Variants in FERMT2 observed in about 807,000 individuals in gnomAD.
The protein encoded by FERMT2 is FERM domain containing kindlin 2, also known as fermitin family homolog 2.
A neutral mutation model predicts 82.7 loss-of-function variants in FERMT2; 15 were observed. The observed-to-expected ratio is 0.18, with a 90% CI of 0.12 to 0.28. FERMT2 has a LOEUF of 0.28. Among genes scored for constraint, FERMT2 ranks in the 10% least tolerant of loss-of-function variants. FERMT2 has a pLI of 1.00. For missense variants in FERMT2, 645 were observed against 809.4 expected, an observed-to-expected ratio of 0.80 and a Z score of 2.46; for synonymous variants, 274 against 271.5, an observed-to-expected ratio of 1.01 and a Z score of -0.09.
At chr14:52,947,651 T>C (rs1890422303) in intron 2 of FERMT2, among the ~76,000 whole-genome samples, 1 of 152,188 alleles carries the variant, frequency 6.6e-6, no homozygotes, top group African/African-American at 2.4e-5. Flanking sequence ...AAGGAAACAT[T>C]ATTTACACTT....
chr14:52,902,878 A>AAAAAAAACAAAAACAAC (rs1308722874), intron 3 of FERMT2, among the ~76,000 whole-genome samples: 1 of 138,652 alleles, frequency 7.2e-6, no homozygotes, highest in African/African-American at 2.7e-5. Context: ...CAAAAAAAAA[A>AAAAAAAACAAAAACAAC]AAAAAAAAAA....
intron 4 of FERMT2, among the ~76,000 whole-genome samples, chr14:52,891,066 G>T (rs1886912108): frequency 6.6e-6 from 1 of 152,070 alleles, no homozygotes; most frequent in African/African-American, 2.4e-5. Flanking sequence ...GAAACCAATG[G>T]TTCTACAATG....
In FERMT2 at chr14:52,859,680, T is replaced by A; in HGVS notation, c.1762A>T (p.Ile588Phe). 1.3e-6 allele frequency: 2 copies of A among 1,599,820 alleles called. No individual in the cohort carries two copies. Among genetic ancestry groups the A allele is most frequent in the Non-Finnish European group, 1.7e-6 (2 of 1,172,636 alleles). Reference protein sequence around the residue: ...QGGKKEELIGIAYNRLIRMDA... With the variant: ...QGGKKEELIGFAYNRLIRMDA... ...ATCCGAATCAGTCTGTTGTATGCAATTCCAATAAGTTCTTCTTTTTTGCCC... is the reference window on the plus strand; with the variant it reads ...ATCCGAATCAGTCTGTTGTATGCAAATCCAATAAGTTCTTCTTTTTTGCCC... Residue 588 changes from isoleucine to phenylalanine, a missense_variant, in exon 14 of 15, where the codon ATT (isoleucine) becomes TTT (phenylalanine). Coordinates refer to ENST00000341590, the MANE Select transcript of FERMT2 (RefSeq NM_006832.3).
At chr14:52,944,190 T>C (rs1285533317) in intron 2 of FERMT2, among the ~76,000 whole-genome samples, 2 of 152,250 alleles carry the variant, frequency 1.3e-5, no homozygotes, top group African/African-American at 4.8e-5. Flanking sequence ...TCATGAACAG[T>C]GTTTTAAACA....
chr14:52,938,912 T>G (rs1177158210), intron 2 of FERMT2, among the ~76,000 whole-genome samples: 1 of 152,106 alleles, frequency 6.6e-6, no homozygotes, highest in Non-Finnish European at 1.5e-5. Context: ...CTTAGCATAG[T>G]GAGTCTATAA....
At chr14:52,941,025 G>T (rs1323273335) in intron 2 of FERMT2, among the ~76,000 whole-genome samples, 3 of 152,170 alleles carry the variant, frequency 2.0e-5, no homozygotes, top group African/African-American at 7.2e-5. Context: ...TCACACGGAT[G>T]TTTACAGCAG....
chr14:52,902,512 G>A (rs1887712696), intron 3 of FERMT2, among the ~76,000 whole-genome samples: 1 of 151,680 alleles, frequency 6.6e-6, no homozygotes, highest in African/African-American at 2.4e-5. Flanking sequence ...CTTATATAAA[G>A]TCCACAAATC....
At chr14:52,910,768 C>T (rs1888268433) in intron 3 of FERMT2, among the ~76,000 whole-genome samples, 1 of 152,028 alleles carries the variant, frequency 6.6e-6, no homozygotes, top group South Asian at 2.1e-4. Context: ...GATCACTGTC[C>T]TTTTTCAGTG....
At chr14:52,898,122 A>G (rs1211379235) in intron 3 of FERMT2, among the ~76,000 whole-genome samples, 2 of 152,172 alleles carry the variant, frequency 1.3e-5, no homozygotes, top group Admixed American at 1.3e-4. Flanking sequence ...TAGCAGAAGA[A>G]CTATCCTGAA....
At chr14:52,935,228 C>A (rs1889781266) in intron 2 of FERMT2, among the ~76,000 whole-genome samples, 1 of 152,098 alleles carries the variant, frequency 6.6e-6, no homozygotes, top group Non-Finnish European at 1.5e-5. Context: ...AAGCTGTAAA[C>A]TTCAAAGTTT....
chr14:52,910,534 G>A (rs1888258280), intron 3 of FERMT2, among the ~76,000 whole-genome samples: 1 of 151,732 alleles, frequency 6.6e-6, no homozygotes, highest in Non-Finnish European at 1.5e-5. Context: ...CAGTCTTTCT[G>A]TCCAAAAGAA....
chr14:52,858,444 C>T lies in FERMT2; in HGVS notation c.1976G>A (p.Arg659His). ...TAAACTCTCGTTTTGGTCTTTTGCA[C>T]GTGTTGAGAGAAATATGTAGCCACC... ...FIGGYIFLST[R>H]AKDQNESLDE... Residue 659 changes from arginine to histidine, a missense_variant, in exon 15 of 15, where the codon CGT (arginine) becomes CAT (histidine). Coordinates refer to ENST00000341590, the MANE Select transcript of FERMT2 (RefSeq NM_006832.3). 2 of 1,614,036 alleles carry T rather than the reference C, an allele frequency of 1.2e-6. No individual in the cohort carries two copies. Among genetic ancestry groups the T allele is most frequent in the Non-Finnish European group, 1.7e-6 (2 of 1,179,944 alleles).
chr14:52,915,999 G>C (rs1390822301), intron 3 of FERMT2, among the ~76,000 whole-genome samples: 3 of 152,142 alleles, frequency 2.0e-5, no homozygotes, highest in Non-Finnish European at 4.4e-5. Context: ...TTGGTGAGTG[G>C]ATAAACAAGC....
chr14:52,922,686 T>C (rs1889031596), intron 2 of FERMT2, among the ~76,000 whole-genome samples: 1 of 152,152 alleles, frequency 6.6e-6, no homozygotes, highest in Non-Finnish European at 1.5e-5. Context: ...ATCTAAAGAA[T>C]TTTTATAATG....
intron 3 of FERMT2, among the ~76,000 whole-genome samples, chr14:52,899,795 A>T (rs1887516335): frequency 6.6e-6 from 1 of 152,230 alleles, no homozygotes; most frequent in East Asian, 1.9e-4. Context: ...TGACATGAGA[A>T]TTTAGGACTT....
At chr14:52,897,329 G>A (rs546690136) in intron 3 of FERMT2, among the ~76,000 whole-genome samples, 38 of 152,042 alleles carry the variant, frequency 2.5e-4, no homozygotes, top group South Asian at 2.1e-3. Context: ...AGAATTCACT[G>A]GAATAGAATT....
At position 52,862,018 on chromosome 14, in the gene FERMT2, T is replaced by C. The variant is rs527346058; in HGVS notation, c.1603-1553A>G. 5 of 152,266 alleles carry C rather than the reference T, an allele frequency of 3.3e-5. No individual in the cohort carries two copies. In the East Asian group the frequency reaches 9.7e-4, roughly 30 times the overall value. 9.4% of individuals were successfully genotyped at this position (152,266 alleles called of 1,614,324 possible). On this transcript the variant is annotated intron_variant, in intron 12 of 14. Coordinates refer to ENST00000341590, the MANE Select transcript of FERMT2 (RefSeq NM_006832.3). ...TAGCAACTAAACTTCTGAATGTCAC[T>C]ACTTACTAGGCACCAGGGCAATAAC...
At chr14:52,885,751 A>C (rs1886563319) in intron 4 of FERMT2, among the ~76,000 whole-genome samples, 1 of 152,192 alleles carries the variant, frequency 6.6e-6, no homozygotes, top group South Asian at 2.1e-4. Flanking sequence ...TATAAATTGT[A>C]TATTTTTTAA....
At chr14:52,932,183 T>C (rs964151724) in intron 2 of FERMT2, among the ~76,000 whole-genome samples, 1 of 152,238 alleles carries the variant, frequency 6.6e-6, no homozygotes, top group African/African-American at 2.4e-5. Flanking sequence ...AGGATTTGAC[T>C]CTAGATGAGT....
Sources: gnomAD v4.1 joint callset for allele counts (sites outside exome capture counted in the v4.1 genomes callset) on GRCh38, gnomAD v4.1.1 for gene constraint, MANE v1.5 for transcripts, NCBI Gene and HGNC (gene_info 2026-07-23, HGNC 2026-07-21) for gene names.